The following EMILIN2 variants were observed in gnomAD, a reference collection of about 807,000 sequenced individuals.
EMILIN2 encodes the protein EMILIN-2.
Under a neutral mutation model 87.1 loss-of-function variants are expected in EMILIN2, and 71 were observed. The observed-to-expected ratio is 0.82, with a 90% CI of 0.67 to 0.99. The LOEUF (loss-of-function observed/expected upper bound fraction) is 0.99. Among genes scored for constraint, EMILIN2 ranks in the 50% least tolerant of loss-of-function variants. The pLI, the probability that EMILIN2 is intolerant of heterozygous loss-of-function variation, is 0.00. For synonymous variants in EMILIN2, 581 were observed against 563.4 expected (o/e 1.03, Z -0.44); for missense variants, 1,407 against 1,371.8 (o/e 1.03, Z -0.40).
intron 7 of EMILIN2, among the ~76,000 whole-genome samples, chr18:2,912,032 CTTTTT>C (rs35260656): frequency 6.8e-5 from 5 of 73,148 alleles, no homozygotes; most frequent in East Asian, 3.6e-4. Flanking sequence ...CTGACAACCA[CTTTTT>C]TTTTTTTTTT....
intron 2 of EMILIN2, among the ~76,000 whole-genome samples, chr18:2,878,958 A>G (rs1272570750): frequency 6.6e-6 from 1 of 152,182 alleles, no homozygotes; most frequent in South Asian, 2.1e-4. Context: ...GTGCAGTTTT[A>G]GTAGCCTGTG....
intron 3 of EMILIN2, among the ~76,000 whole-genome samples, chr18:2,889,179 C>A (rs1219273129): frequency 7.6e-6 from 1 of 132,344 alleles, no homozygotes; most frequent in Non-Finnish European, 1.6e-5. Flanking sequence ...TCTCTGTTGC[C>A]CAGACTGGAG....
At chr18:2,907,148 G>C (rs1024857035) in intron 5 of EMILIN2, 63 bp downstream of exon 5, 13 of 1,224,322 alleles carry the variant, frequency 1.1e-5, no homozygotes, top group Non-Finnish European at 1.3e-5. Context: ...CCTGAGCCTC[G>C]GGGTCTGCTG....
intron 2 of EMILIN2, among the ~76,000 whole-genome samples, chr18:2,874,206 T>C (rs1056551145): frequency 8.6e-5 from 13 of 151,972 alleles, no homozygotes; most frequent in African/African-American, 2.9e-4. Context: ...TATGTATTAG[T>C]AGTTGATTAC....
intron 2 of EMILIN2, among the ~76,000 whole-genome samples, chr18:2,858,583 G>GTGTATATATATA (rs1180735843): frequency 6.5e-4 from 41 of 63,030 alleles, no homozygotes; most frequent in South Asian, 1.2e-3. Context: ...GTGTGTGTGT[G>GTGTATATATATA]TATATATATA....
At chr18:2,860,906 C>A (rs1407858340) in intron 2 of EMILIN2, among the ~76,000 whole-genome samples, 2 of 152,144 alleles carry the variant, frequency 1.3e-5, no homozygotes, top group Non-Finnish European at 2.9e-5. Flanking sequence ...CCTGTTGTTT[C>A]CTGACTTTTT....
chr18:2,902,066 A>T (rs1366418012), intron 4 of EMILIN2, among the ~76,000 whole-genome samples: 3 of 152,160 alleles, frequency 2.0e-5, no homozygotes, highest in Non-Finnish European at 4.4e-5. Context: ...CTGGGTGTTG[A>T]GGGTGTAATG....
At chr18:2,868,642 G>A (rs967191564) in intron 2 of EMILIN2, among the ~76,000 whole-genome samples, 5 of 152,370 alleles carry the variant, frequency 3.3e-5, no homozygotes, top group East Asian at 1.9e-4. Flanking sequence ...AAAAAAATAC[G>A]AAAACCAGTC....
rs928481501 is a variant in EMILIN2, at chr18:2,907,071, T to C, written c.2648T>C (p.Phe883Ser). 32 of 1,254,278 alleles carry C rather than the reference T, an allele frequency of 2.6e-5. No homozygotes were observed. Among genetic ancestry groups the C allele is most frequent in the Non-Finnish European group, 3.0e-5 (30 of 1,002,256 alleles). 77.7% of individuals were successfully genotyped at this position (1,254,278 alleles called of 1,614,324 possible). ...GSGTVPGAEGFAGAPGYPKSP... is the reference protein window; with the variant it reads ...GSGTVPGAEGSAGAPGYPKSP... ...GGCACCGTCCCCGGCGCAGAAGGCTTCGCGGGCGCACCAGGTGAGGCCCGG... is the reference window on the plus strand; with the variant it reads ...GGCACCGTCCCCGGCGCAGAAGGCTCCGCGGGCGCACCAGGTGAGGCCCGG... Residue 883 changes from phenylalanine (F) to serine (S), a missense_variant, in exon 5 of 8, where the codon TTC (phenylalanine) becomes TCC (serine). Coordinates refer to ENST00000254528, the MANE Select transcript of EMILIN2 (RefSeq NM_032048.3).
At chr18:2,907,133 T>A in intron 5 of EMILIN2, 48 bp downstream of exon 5, 1 of 1,227,798 alleles carries the variant, frequency 8.1e-7, no homozygotes, top group South Asian at 4.0e-5. Context: ...CTCCCGGAAC[T>A]TCCGCCTGAG....
chr18:2,846,706 G>T (rs1181019541), upstream of EMILIN2: 6 of 978,444 alleles, frequency 6.1e-6, no homozygotes, highest in East Asian at 1.1e-4. The surrounding 1 kb of genome is among the most constrained non-coding windows in gnomAD (Gnocchi z 5.3). Context: ...CGCCGACGGC[G>T]GCCGCGTCCC....
chr18:2,893,995 C>A (rs1184902893), intron 4 of EMILIN2, among the ~76,000 whole-genome samples: 1 of 152,152 alleles, frequency 6.6e-6, no homozygotes, highest in Non-Finnish European at 1.5e-5. Context: ...TCCTGACCTC[C>A]CCCTCCCTGT....
At chr18:2,868,251 C>T (rs1489833228) in intron 2 of EMILIN2, among the ~76,000 whole-genome samples, 1 of 151,914 alleles carries the variant, frequency 6.6e-6, no homozygotes, top group African/African-American at 2.4e-5. Context: ...GGCGGCCAGG[C>T]AGAGACGCTC....
intron 2 of EMILIN2, among the ~76,000 whole-genome samples, chr18:2,876,562 C>T (rs1196515666): frequency 2.3e-5 from 3 of 131,970 alleles, no homozygotes; most frequent in African/African-American, 8.4e-5. Context: ...GTCAGGAGAT[C>T]GAGACCATCC....
intron 2 of EMILIN2, among the ~76,000 whole-genome samples, chr18:2,879,678 C>G (rs1422273690): frequency 1.3e-5 from 2 of 151,406 alleles, no homozygotes; most frequent in African/African-American, 4.9e-5. Flanking sequence ...CCCAACACCC[C>G]CCCCAAAAAA....
In EMILIN2 at chr18:2,906,828, T is replaced by G. The variant is rs1201764667; in HGVS notation, c.2405T>G (p.Leu802Arg). The G allele has an allele frequency of 7.5e-7, 1 of 1,330,400 alleles. No individual in the cohort carries two copies. Among genetic ancestry groups the G allele is most frequent in the Non-Finnish European group, 9.6e-7 (1 of 1,044,410 alleles). 82.4% of individuals were successfully genotyped at this position (1,330,400 alleles called of 1,614,324 possible). Residue 802 changes from leucine (L) to arginine (R), a missense_variant, in exon 5 of 8, where the codon CTG becomes CGG. Coordinates refer to ENST00000254528, the MANE Select transcript of EMILIN2 (RefSeq NM_032048.3). Reference protein sequence around the residue: ...PPPAEAPKEPLQPEPAPPRPS... With the variant: ...PPPAEAPKEPRQPEPAPPRPS... ...CCCGCAGAGGCCCCGAAGGAGCCGC[T>G]GCAGCCCGAGCCCGCCCCGCCGAGG...
chr18:2,906,488 T>G, intron 4 of EMILIN2: 1 of 133,058 alleles, frequency 7.5e-6, no homozygotes. Flanking sequence ...AATCGGGAAT[T>G]GTTGATGCCG....
At chr18:2,909,630 G>A (rs2076931434) in intron 6 of EMILIN2, 61 bp from the exon 7 acceptor site, 2 of 1,583,292 alleles carry the variant, frequency 1.3e-6, no homozygotes, top group Non-Finnish European at 1.7e-6. Context: ...AGTTTTCCAG[G>A]CCCTCCCCCT....
At chr18:2,858,565 A>ATG (rs2076642071) in intron 2 of EMILIN2, among the ~76,000 whole-genome samples, 1 of 67,816 alleles carries the variant, frequency 1.5e-5, no homozygotes, top group African/African-American at 1.0e-4. Flanking sequence ...ATATATATAT[A>ATG]TATATGTGTG....
Sources: allele counts gnomAD v4.1 joint callset (sites outside exome capture counted in the v4.1 genomes callset), GRCh38; gene constraint gnomAD v4.1.1; non-coding constraint Gnocchi (gnomAD v3.1); transcripts MANE v1.5; gene names NCBI Gene and HGNC (gene_info 2026-07-23, HGNC 2026-07-21).